SLC7A11: variants seen among roughly 807,000 people sequenced by gnomAD.
SLC7A11 encodes solute carrier family 7 member 11.
SLC7A11 carries 35 observed loss-of-function variants against 54.5 expected under a neutral mutation model. The observed-to-expected ratio is 0.64, with a 90% CI of 0.49 to 0.85. SLC7A11 has a LOEUF of 0.85. Ranked by LOEUF, SLC7A11 falls within the 40% of genes least tolerant of loss-of-function variation. The probability of loss-of-function intolerance (pLI) is 0.00; values close to 1 mark genes in which losing one functional copy is unlikely to be tolerated. For missense variants in SLC7A11, 583 were observed against 618.1 expected (o/e 0.94, Z 0.60); for synonymous variants, 230 against 225.2 (o/e 1.02, Z -0.19).
At chr4:138,226,042 A>G (rs1408278499) in intron 3 of SLC7A11, among the ~76,000 whole-genome samples, 2 of 152,168 alleles carry the variant, frequency 1.3e-5, no homozygotes, top group Non-Finnish European at 2.9e-5. Context: ...AATATTAAAA[A>G]AACTGGGTAT....
chr4:138,219,353 T>G lies in SLC7A11; in HGVS notation c.659A>C (p.Asn220Thr). The G allele has an allele frequency of 2.5e-6, 4 of 1,599,678 alleles. No homozygotes were observed. Among genetic ancestry groups the G allele is most frequent in the East Asian group, 2.2e-5 (1 of 44,820 alleles). The change falls in exon 5 of 12, where the codon AAC becomes ACC. Residue 220 changes from asparagine (N) to threonine (T), a missense_variant. Transcript: ENST00000280612. Reference protein sequence around the residue: ...VMQLIKGQTQNFKDAFSGRDS... With the variant: ...VMQLIKGQTQTFKDAFSGRDS... ...TCTTCCTGAAAAGGCGTCTTTAAAG[T>G]TCTGCGTTTGACCTGTAATTAGAAT...
At chr4:138,206,836 C>T (rs972932890) in intron 6 of SLC7A11, among the ~76,000 whole-genome samples, 13 of 151,868 alleles carry the variant, frequency 8.6e-5, no homozygotes, top group Non-Finnish European at 1.6e-4. Flanking sequence ...AATTTGGTGA[C>T]CTTGTTCTTT....
chr4:138,229,013 T>C (rs1182669306), intron 3 of SLC7A11, among the ~76,000 whole-genome samples: 1 of 152,198 alleles, frequency 6.6e-6, no homozygotes, highest in Non-Finnish European at 1.5e-5. Context: ...CCCATTATCA[T>C]CTCTCAAATG....
At chr4:138,190,914 A>G (rs998852416) in intron 6 of SLC7A11, among the ~76,000 whole-genome samples, 2 of 152,126 alleles carry the variant, frequency 1.3e-5, no homozygotes, top group Admixed American at 6.6e-5. Context: ...GTAGAAGAAC[A>G]CACATTTCTT....
At chr4:138,177,681 T>C (rs540144191) in intron 11 of SLC7A11, 1 of 152,246 alleles carries the variant, frequency 6.6e-6, no homozygotes, top group East Asian at 1.9e-4. Context: ...TGTTGAGGAT[T>C]GCTTGAGATG....
intron 6 of SLC7A11, among the ~76,000 whole-genome samples, chr4:138,209,865 C>A (rs561712016): frequency 2.0e-5 from 3 of 151,832 alleles, no homozygotes; most frequent in African/African-American, 7.2e-5. Flanking sequence ...ACTACCAACA[C>A]CATTGTTCAC....
chr4:138,187,545 C>T (rs954765928), intron 6 of SLC7A11, among the ~76,000 whole-genome samples: 9 of 152,126 alleles, frequency 5.9e-5, no homozygotes, highest in African/African-American at 1.9e-4. Flanking sequence ...GCATTTGGAC[C>T]ACCAAAGTGT....
intron 11 of SLC7A11, chr4:138,176,916 A>G (rs1484500248): frequency 6.6e-6 from 1 of 152,124 alleles, no homozygotes; most frequent in African/African-American, 2.4e-5. Context: ...AACACAGAAA[A>G]CTTAAAAATA....
chr4:138,169,206 AAAT>A lies in SLC7A11; in HGVS notation c.*2747_*2749del, dbSNP rs1444348749. On this transcript the variant is annotated 3_prime_UTR_variant, in exon 12 of 12. Coordinates refer to ENST00000280612, the MANE Select transcript of SLC7A11 (RefSeq NM_014331.4). ...ATGTGTGTGTGTGCATATCGTATAA[AAAT>A]ATGAGAAAAATTTTACTTATATAAA... 1.3e-5 allele frequency: 2 copies of A among 152,038 alleles called. No homozygotes were observed. The highest frequency in any genetic ancestry group is 4.8e-5 in the African/African-American group (2 of 41,442). The allele number at this position is 152,038 out of a possible 1,614,324, so 9.4% of individuals were successfully genotyped here.
intron 2 of SLC7A11, among the ~76,000 whole-genome samples, chr4:138,234,090 T>C (rs1205128285): frequency 6.6e-6 from 1 of 152,224 alleles, no homozygotes; most frequent in Non-Finnish European, 1.5e-5. Context: ...TTGATAATGA[T>C]TTCCTCCCAC....
chr4:138,227,220 T>G (rs1223337448), intron 3 of SLC7A11, among the ~76,000 whole-genome samples: 1 of 152,220 alleles, frequency 6.6e-6, no homozygotes, highest in East Asian at 1.9e-4. Flanking sequence ...TCTGAGTACT[T>G]TGTGCTTAAC....
intron 6 of SLC7A11, among the ~76,000 whole-genome samples, chr4:138,192,590 T>C (rs200251788): frequency 6.8e-6 from 1 of 147,484 alleles, no homozygotes; most frequent in Non-Finnish European, 1.5e-5. Flanking sequence ...CAAGACTTTT[T>C]TGTAGCTTTT....
chr4:138,166,399 C>T lies in SLC7A11; in HGVS notation c.*5557G>A, dbSNP rs1285629215. 1 of 152,338 alleles carries T rather than the reference C, an allele frequency of 6.6e-6. No homozygotes were observed. Among genetic ancestry groups the T allele is most frequent in the Admixed American group, 6.5e-5 (1 of 15,274 alleles). 9.4% of individuals were successfully genotyped at this position (152,338 alleles called of 1,614,324 possible). A position where few individuals can be genotyped will look rare whatever the true frequency, so the allele number is the denominator to read the frequency against. On this transcript the variant is annotated 3_prime_UTR_variant, in exon 12 of 12. Coordinates refer to ENST00000280612, the MANE Select transcript of SLC7A11 (RefSeq NM_014331.4). ...CAAGGTACTCAAAATACAGTCACCA[C>T]TGCAAAAGAGATACCTGTGCATTAC...
intron 6 of SLC7A11, among the ~76,000 whole-genome samples, chr4:138,191,968 ATAAAT>A (rs1190366355): frequency 6.6e-6 from 1 of 152,190 alleles, no homozygotes; most frequent in Non-Finnish European, 1.5e-5. Context: ...TTTAATAGTA[ATAAAT>A]TAAATTTTAC....
rs1736714586 is a variant in SLC7A11 at position 138,180,657 on chromosome 4, A to C, written c.1250T>G (p.Met417Arg). The stretch of plus-strand genomic sequence containing the variant: ...TGAGGTTACCTTGAAAGGACGATGC[A>C]TATCTGGGCATTTGTATCGAAGATA... ...LIYLRYKCPD[M>R]HRPFKVPLFI... is the part of the protein sequence containing the mutation. Residue 417 changes from methionine (M) to arginine (R), a missense_variant, in exon 10 of 12, where the codon ATG becomes AGG. By Grantham distance (91) the Met-to-Arg change is moderately conservative (BLOSUM62 -1). Coordinates refer to ENST00000280612, the MANE Select transcript of SLC7A11 (RefSeq NM_014331.4). The C allele has an allele frequency of 6.2e-7, 1 of 1,612,860 alleles. No homozygotes were observed. The highest frequency in any genetic ancestry group is 1.3e-5 in the African/African-American group (1 of 74,856).
intron 6 of SLC7A11, among the ~76,000 whole-genome samples, chr4:138,203,696 T>C (rs1737341231): frequency 6.6e-6 from 1 of 152,090 alleles, no homozygotes; most frequent in Non-Finnish European, 1.5e-5. Context: ...AAAATAAAAC[T>C]AAAACATATC....
At chr4:138,199,324 T>C (rs1221383925) in intron 6 of SLC7A11, among the ~76,000 whole-genome samples, 1 of 152,116 alleles carries the variant, frequency 6.6e-6, no homozygotes, top group Non-Finnish European at 1.5e-5. Flanking sequence ...TATCTATTAT[T>C]ATTAAAAGAA....
intron 2 of SLC7A11, among the ~76,000 whole-genome samples, chr4:138,233,939 AT>A (rs1246447476): frequency 8.3e-6 from 1 of 121,064 alleles, no homozygotes; most frequent in African/African-American, 3.0e-5. Flanking sequence ...TCTTAGTTCA[AT>A]TTTCCTTTCC....
rs146615521 is a variant in SLC7A11 at position 138,203,479 on chromosome 4, A to G, written c.791+11106T>C. Among the ~76,000 whole-genome samples, 429 of 152,126 alleles carry G rather than the reference A, an allele frequency of 2.8e-3. 3 individuals carry two copies. Among genetic ancestry groups the G allele is most frequent in the African/African-American group, 9.6e-3 (400 of 41,524 alleles). On this transcript the variant is annotated intron_variant, in intron 6 of 11. Coordinates refer to ENST00000280612, the MANE Select transcript of SLC7A11 (RefSeq NM_014331.4). Reference sequence around the variant, plus strand: ...AAAAAAGATAGCTCTATATTTTTGCATAGTACGTAAACACTATGCTGATGC... The same window carrying G: ...AAAAAAGATAGCTCTATATTTTTGCGTAGTACGTAAACACTATGCTGATGC...
Sources: gnomAD v4.1 joint callset for allele counts (sites outside exome capture counted in the v4.1 genomes callset) on GRCh38, gnomAD v4.1.1 for gene constraint, MANE v1.5 for transcripts, NCBI Gene and HGNC (gene_info 2026-07-23, HGNC 2026-07-21) for gene names.